Variants in TUBGCP3 observed in about 807,000 individuals in gnomAD.
TUBGCP3 encodes the protein gamma-tubulin complex component 3.
A neutral mutation model predicts 123.1 loss-of-function variants in TUBGCP3; 50 were observed. The observed-to-expected ratio is 0.41, with a 90% CI of 0.32 to 0.51. The LOEUF is 0.51. TUBGCP3 is among the 20% of genes least tolerant of loss of function. The pLI is 0.36. For missense variants in TUBGCP3, 882 were observed against 1,127.0 expected (o/e 0.78, Z 3.11); for synonymous variants, 405 against 413.9 (o/e 0.98, Z 0.26).
chr13:112,520,150 T>C, intron 14 of TUBGCP3, 129 bp from the exon 15 acceptor site: 2 of 767,030 alleles, frequency 2.6e-6, no homozygotes, highest in South Asian at 2.3e-5. Flanking sequence ...ACCAATACAA[T>C]AATGCGGCAA....
At chr13:112,602,476 C>T in the TUBGCP3 span, among the ~76,000 whole-genome samples, 2 of 151,904 alleles carry the variant, frequency 1.3e-5, no homozygotes, top group Non-Finnish European at 1.5e-5. Flanking sequence ...TTCTGAATAA[C>T]TCTCTTTTCC....
chr13:112,572,956 G>A (rs915624337), intron 1 of TUBGCP3, among the ~76,000 whole-genome samples: 3 of 152,020 alleles, frequency 2.0e-5, no homozygotes, highest in South Asian at 2.1e-4. Context: ...ACGTGTGCCT[G>A]TCCTCCACAA....
chr13:112,523,512 G>C (rs1346404580), intron 13 of TUBGCP3, among the ~76,000 whole-genome samples: 1 of 152,228 alleles, frequency 6.6e-6, no homozygotes, highest in Non-Finnish European at 1.5e-5. Flanking sequence ...AGTGAGGTCT[G>C]CCTGGAGTCA....
chr13:112,506,383 T>A (rs1419506822), intron 17 of TUBGCP3, among the ~76,000 whole-genome samples: 3 of 152,218 alleles, frequency 2.0e-5, no homozygotes, highest in Non-Finnish European at 1.5e-5. Context: ...ATCTAAGATT[T>A]ACTTACAAAG....
intron 17 of TUBGCP3, among the ~76,000 whole-genome samples, chr13:112,506,430 A>G (rs1375939343): frequency 2.0e-5 from 3 of 152,210 alleles, no homozygotes; most frequent in African/African-American, 7.2e-5. Context: ...CGCTCCTTAC[A>G]TGGCTCCGCA....
At chr13:112,594,360 A>G in the TUBGCP3 span, among the ~76,000 whole-genome samples, 2 of 152,240 alleles carry the variant, frequency 1.3e-5, no homozygotes, top group Non-Finnish European at 1.5e-5. Flanking sequence ...TCAATAGAAT[A>G]AAAGAAAAAA....
chr13:112,530,245 T>C (rs1054058660), intron 11 of TUBGCP3, among the ~76,000 whole-genome samples: 1 of 152,238 alleles, frequency 6.6e-6, no homozygotes, highest in Non-Finnish European at 1.5e-5. Context: ...ATTACTGGAA[T>C]AAAATATTCT....
At chr13:112,507,651 G>GC (rs891686147) in intron 17 of TUBGCP3, among the ~76,000 whole-genome samples, 60 of 152,256 alleles carry the variant, frequency 3.9e-4, no homozygotes, top group African/African-American at 1.4e-3. Flanking sequence ...GCTCTGCTCC[G>GC]CCTGCATTTC....
chr13:112,489,464 C>T, intron 21 of TUBGCP3, 117 bp downstream of exon 21: 1 of 782,502 alleles, frequency 1.3e-6, no homozygotes, highest in Non-Finnish European at 2.3e-6. Context: ...CTCACACCTA[C>T]ACAAATAAGT....
chr13:112,495,872 T>G (rs2139202297), intron 20 of TUBGCP3, among the ~76,000 whole-genome samples: 1 of 152,324 alleles, frequency 6.6e-6, no homozygotes, highest in East Asian at 1.9e-4. Flanking sequence ...ACGGGAGCAC[T>G]TATTTCAAGG....
At chr13:112,551,658 T>C (rs2139198364) in intron 8 of TUBGCP3, among the ~76,000 whole-genome samples, 1 of 152,312 alleles carries the variant, frequency 6.6e-6, no homozygotes, top group South Asian at 2.1e-4. Flanking sequence ...CAGGGCAACT[T>C]GGTCAAATCA....
At chr13:112,599,452 G>A in the TUBGCP3 span, among the ~76,000 whole-genome samples, 1 of 151,812 alleles carries the variant, frequency 6.6e-6, no homozygotes, top group Non-Finnish European at 1.5e-5. Context: ...GGTATTTATG[G>A]GCATTTAGTT....
chr13:112,550,901 A>AT (rs1879515854), intron 8 of TUBGCP3, among the ~76,000 whole-genome samples: 2 of 152,324 alleles, frequency 1.3e-5, no homozygotes, highest in Admixed American at 1.3e-4. Context: ...GATTAAGACC[A>AT]TCCTGGCTAA....
intron 11 of TUBGCP3, among the ~76,000 whole-genome samples, chr13:112,544,346 G>A (rs1242038945): frequency 6.6e-6 from 1 of 151,662 alleles, no homozygotes; most frequent in Non-Finnish European, 1.5e-5. Context: ...CAAGCTACCT[G>A]GGAGGCTGAG....
At chr13:112,554,720 C>T (rs1000883155) in intron 7 of TUBGCP3, among the ~76,000 whole-genome samples, 167 bp downstream of exon 7, 8 of 151,792 alleles carry the variant, frequency 5.3e-5, no homozygotes, top group African/African-American at 7.2e-5. Flanking sequence ...CAAAACTGAA[C>T]GAGCCACAAT....
intron 17 of TUBGCP3, among the ~76,000 whole-genome samples, chr13:112,513,213 T>C (rs1209013148): frequency 6.6e-6 from 1 of 152,200 alleles, no homozygotes; most frequent in Non-Finnish European, 1.5e-5. Context: ...ATCTGAAACA[T>C]GAATTTAGTT....
chr13:112,536,107 A>T (rs1878028654), intron 11 of TUBGCP3, among the ~76,000 whole-genome samples: 1 of 152,222 alleles, frequency 6.6e-6, no homozygotes, highest in South Asian at 2.1e-4. Flanking sequence ...TAGTCCATTG[A>T]CCCAGAGGTC....
chr13:112,603,545 A>C, the TUBGCP3 span: 4 of 152,260 alleles, frequency 2.6e-5, no homozygotes, highest in African/African-American at 9.6e-5. Context: ...CAACACGGTG[A>C]AACCTTGTCT....
chr13:112,547,543 A>G, intron 10 of TUBGCP3, 77 bp downstream of exon 10: 1 of 723,086 alleles, frequency 1.4e-6, no homozygotes, highest in Non-Finnish European at 1.7e-6. Context: ...CGTGCATGGG[A>G]AAGTCGCGCG....
Sources: allele counts gnomAD v4.1 joint callset (sites outside exome capture counted in the v4.1 genomes callset), GRCh38; gene constraint gnomAD v4.1.1; transcripts MANE v1.5; gene names NCBI Gene and HGNC (gene_info 2026-07-23, HGNC 2026-07-21).